LRFN5: variants seen among roughly 807,000 people sequenced by gnomAD.
LRFN5 encodes leucine-rich repeat and fibronectin type-III domain-containing protein 5.
A neutral mutation model predicts 45.6 loss-of-function variants in LRFN5; 24 were observed. The observed-to-expected ratio is 0.53, with a 90% CI of 0.38 to 0.74. LRFN5 has a LOEUF of 0.74. Ranked by LOEUF, LRFN5 falls within the 30% of genes least tolerant of loss-of-function variation. The probability of loss-of-function intolerance (pLI) is 0.00; values close to 1 mark genes in which losing one functional copy is unlikely to be tolerated. For missense variants in LRFN5, 776 were observed against 861.5 expected (o/e 0.90, Z 1.24); for synonymous variants, 340 against 313.8 (o/e 1.08, Z -0.88).
chr14:41,877,309 T>C (rs1380895487), intron 2 of LRFN5, among the ~76,000 whole-genome samples: 2 of 152,178 alleles, frequency 1.3e-5, no homozygotes, highest in Non-Finnish European at 2.9e-5. Flanking sequence ...TATGCCCTGC[T>C]AATAAATTTT....
At chr14:41,821,151 A>C (rs1305642811) in intron 2 of LRFN5, among the ~76,000 whole-genome samples, 1 of 151,940 alleles carries the variant, frequency 6.6e-6, no homozygotes, top group Non-Finnish European at 1.5e-5. Flanking sequence ...ACAATGTATA[A>C]TAGAAGTATG....
intron 2 of LRFN5, among the ~76,000 whole-genome samples, chr14:41,833,405 G>C (rs898042127): frequency 6.6e-6 from 1 of 152,130 alleles, no homozygotes; most frequent in Non-Finnish European, 1.5e-5. Flanking sequence ...AGAATCTCTT[G>C]ATACCAATTT....
intron 1 of LRFN5, among the ~76,000 whole-genome samples, chr14:41,685,712 T>G (rs1002179612): frequency 6.6e-6 from 1 of 152,216 alleles, no homozygotes; most frequent in African/African-American, 2.4e-5. Context: ...CACCATTTAC[T>G]GAATAAAAGG....
intron 1 of LRFN5, among the ~76,000 whole-genome samples, chr14:41,720,751 G>T (rs1161432454): frequency 6.6e-6 from 1 of 151,910 alleles, no homozygotes; most frequent in African/African-American, 2.4e-5. Context: ...TAATGTGGTT[G>T]GTGTCATTTT....
intron 1 of LRFN5, among the ~76,000 whole-genome samples, chr14:41,657,462 G>GAAGGACATCAGAAAGGCAACATTTTA (rs1566606822): frequency 3.9e-5 from 6 of 151,964 alleles, no homozygotes; most frequent in African/African-American, 1.4e-4. Context: ...ACCCATCTCA[G>GAAGGACATCAGAAAGGCAACATTTTA]AAGGACATCA....
At chr14:41,711,572 T>C (rs1225080993) in intron 1 of LRFN5, among the ~76,000 whole-genome samples, 1 of 152,220 alleles carries the variant, frequency 6.6e-6, no homozygotes, top group African/African-American at 2.4e-5. Flanking sequence ...GAATATTCTG[T>C]ACTTCTTGTT....
At chr14:41,711,044 T>C (rs1203826897) in intron 1 of LRFN5, among the ~76,000 whole-genome samples, 1 of 152,152 alleles carries the variant, frequency 6.6e-6, no homozygotes, top group African/African-American at 2.4e-5. Flanking sequence ...GACTCCACTC[T>C]GAAAATCACT....
intron 2 of LRFN5, among the ~76,000 whole-genome samples, chr14:41,846,914 G>A (rs993512706): frequency 6.6e-6 from 1 of 151,986 alleles, no homozygotes; most frequent in Non-Finnish European, 1.5e-5. Context: ...ACTTCAAAGC[G>A]ACAAAGTTGG....
At chr14:41,869,503 C>A (rs376529403) in intron 2 of LRFN5, among the ~76,000 whole-genome samples, 31 of 151,478 alleles carry the variant, frequency 2.0e-4, no homozygotes, top group African/African-American at 6.8e-4. Context: ...TCTAGCCTGG[C>A]GTTGTTGAAA....
chr14:41,785,482 A>G (rs1484907188), intron 2 of LRFN5, among the ~76,000 whole-genome samples: 4 of 151,910 alleles, frequency 2.6e-5, no homozygotes, highest in African/African-American at 4.8e-5. Context: ...TACCTTACCA[A>G]AGCTTCCTTT....
At chr14:41,781,592 GAAAGAAAGAAAGAAAGAAAGAAAGAGAA>G (rs1357237453) in intron 2 of LRFN5, among the ~76,000 whole-genome samples, 7 of 89,820 alleles carry the variant, frequency 7.8e-5, no homozygotes, top group African/African-American at 3.5e-4. Flanking sequence ...AAGAAAGAAA[GAAAGAAAGAAAGAAAGAAAGAAAGAGAA>G]AGAAAGAAAG....
At chr14:41,825,789 A>G (rs1888273665) in intron 2 of LRFN5, among the ~76,000 whole-genome samples, 1 of 152,098 alleles carries the variant, frequency 6.6e-6, no homozygotes, top group Non-Finnish European at 1.5e-5. Context: ...AGCTCAGTGC[A>G]ATGCCCTCAA....
At chr14:41,777,339 G>A (rs1886328775) in intron 2 of LRFN5, among the ~76,000 whole-genome samples, 1 of 151,006 alleles carries the variant, frequency 6.6e-6, no homozygotes, top group South Asian at 2.1e-4. Context: ...TTCTTTTTTA[G>A]GTCCTATACT....
chr14:41,622,255 C>A (rs1338942251), intron 1 of LRFN5, among the ~76,000 whole-genome samples: 1 of 151,776 alleles, frequency 6.6e-6, no homozygotes, highest in African/African-American at 2.4e-5. Flanking sequence ...ATTAGTGTTT[C>A]CTGCTTTAAG....
intron 2 of LRFN5, among the ~76,000 whole-genome samples, chr14:41,855,282 T>C (rs571028923): frequency 1.3e-5 from 2 of 152,286 alleles, no homozygotes; most frequent in South Asian, 4.1e-4. Flanking sequence ...GCCTTTAATA[T>C]CACACTGTGT....
chr14:41,620,421 A>G (rs1888081634), intron 1 of LRFN5, among the ~76,000 whole-genome samples: 1 of 152,116 alleles, frequency 6.6e-6, no homozygotes, highest in African/African-American at 2.4e-5. Context: ...TAGGTAAAGT[A>G]TCTTGGAAGG....
At chr14:41,619,707 A>C (rs1322943900) in intron 1 of LRFN5, among the ~76,000 whole-genome samples, 1 of 152,004 alleles carries the variant, frequency 6.6e-6, no homozygotes, top group African/African-American at 2.4e-5. Context: ...ATATTGCAAT[A>C]TATGTACATA....
At chr14:41,844,350 TG>T (rs1159196304) in intron 2 of LRFN5, among the ~76,000 whole-genome samples, 3 of 150,326 alleles carry the variant, frequency 2.0e-5, no homozygotes, top group African/African-American at 7.4e-5. Context: ...GGCAGGAGAA[TG>T]GCGTGAACCC....
intron 2 of LRFN5, among the ~76,000 whole-genome samples, chr14:41,772,756 G>C (rs144017994): frequency 1.3e-5 from 2 of 152,208 alleles, no homozygotes; most frequent in African/African-American, 2.4e-5. Context: ...CTTGAGCTCA[G>C]TATACGGCTC....
Sources: gnomAD v4.1 joint callset for allele counts (sites outside exome capture counted in the v4.1 genomes callset) on GRCh38, gnomAD v4.1.1 for gene constraint, MANE v1.5 for transcripts, NCBI Gene and HGNC (gene_info 2026-07-23, HGNC 2026-07-21) for gene names.